The following RHBDD3 variants were observed in gnomAD, a reference collection of about 807,000 sequenced individuals.
RHBDD3 encodes the protein rhomboid domain containing 3, also known as rhomboid domain-containing protein 3.
In RHBDD3, 34 loss-of-function variants were observed where a neutral mutation model predicts 32.3. The observed-to-expected ratio is 1.05, with a 90% CI of 0.80 to 1.40. The LOEUF (loss-of-function observed/expected upper bound fraction) is 1.40, where lower values mean the gene tolerates loss of function less well. RHBDD3 is among the 40% of genes most tolerant of loss of function. RHBDD3 has a pLI of 0.00. For synonymous variants in RHBDD3, 249 were observed against 239.1 expected (o/e 1.04, Z -0.38); for missense variants, 482 against 492.6 (o/e 0.98, Z 0.20).
rs756947327 is a variant in RHBDD3, at chr22:29,260,458, G to C, written c.851C>G (p.Pro284Arg). The change falls in exon 6 of 7, where the codon CCA (proline) becomes CGA (arginine). Residue 284 changes from proline to arginine, a missense_variant. Coordinates refer to ENST00000216085, the MANE Select transcript of RHBDD3 (RefSeq NM_012265.3). ...GLDWAGASFS[P>R]GTPMWAALDE... ...CAAGGCCGCCCACATCGGAGTCCCT[G>C]GGGAGAAGCTGGCCCCAGCCCAGTC... 4 of 1,610,150 alleles carry C rather than the reference G, an allele frequency of 2.5e-6. No individual in the cohort carries two copies. In the African/African-American group the frequency reaches 5.3e-5, roughly 22 times the overall value.
chr22:29,260,829 C>CT lies in RHBDD3; in HGVS notation c.567dup (p.Glu190ArgfsTer30). 6.2e-7 allele frequency: 1 copy of CT among 1,603,612 alleles called. No individual in the cohort carries two copies. ...TCCTGCAGCACCTGCAGCCGTCGCT[C>CT]TGAGGGTTCCAGCCACCGGAAGGCC... is the stretch of plus-strand genomic sequence containing the variant. On this transcript the variant is annotated frameshift_variant, in exon 5 of 7. Transcript: ENST00000216085. LOFTEE classifies it high-confidence loss of function.
In RHBDD3 at chr22:29,260,219, G is replaced by A. The variant is rs1268092918; in HGVS notation, c.1002C>T (p.Arg334=). 1 of 1,599,928 alleles carries A rather than the reference G, an allele frequency of 6.3e-7. No homozygotes were observed. Among genetic ancestry groups the A allele is most frequent in the Admixed American group, 1.7e-5 (1 of 57,476 alleles). The stretch of plus-strand genomic sequence containing the variant: ...CCGCCTGCTCCGTAGGGAAGCCCAT[G>A]CGCTCCAGCTGCTGCAGCCTGTTGG... ...VSSLRLQQLE[R]MGFPTEQAVV... is the part of the protein sequence containing the mutation. The change falls in exon 7 of 7, where the codon CGC becomes CGT. Residue 334 remains arginine (R), a synonymous_variant. Transcript: ENST00000216085.
chr22:29,260,672 C>A, intron 5 of RHBDD3, 30 bp downstream of exon 5: 1 of 1,553,002 alleles, frequency 6.4e-7, no homozygotes, highest in Non-Finnish European at 8.7e-7. Flanking sequence ...TGCCCACCAC[C>A]TGGACTGGCA....
At chr22:29,265,456 A>G in intron 3 of RHBDD3, 23 bp downstream of exon 3, 2 of 1,494,118 alleles carry the variant, frequency 1.3e-6, no homozygotes, top group Non-Finnish European at 1.8e-6. Flanking sequence ...GCTTCCTCCA[A>G]GGTCCACGTG....
chr22:29,259,892 T>C lies in RHBDD3; in HGVS notation c.*168A>G. On this transcript the variant is annotated 3_prime_UTR_variant, in exon 7 of 7. Coordinates refer to ENST00000216085, the MANE Select transcript of RHBDD3 (RefSeq NM_012265.3). ...CCAGGTTGAAAAACAAACTGGTTTTTATTCTAAACACGTACTAGGGCAGCA... is the reference window on the plus strand; with the variant it reads ...CCAGGTTGAAAAACAAACTGGTTTTCATTCTAAACACGTACTAGGGCAGCA... 1 of 659,116 alleles carries C rather than the reference T, an allele frequency of 1.5e-6. No homozygotes were observed. The highest frequency in any genetic ancestry group is 2.5e-6 in the Non-Finnish European group (1 of 396,206). The allele number at this position is 659,116 out of a possible 1,614,324, so 40.8% of individuals were successfully genotyped here.
intron 2 of RHBDD3, among the ~76,000 whole-genome samples, chr22:29,267,017 G>T (rs1056464557): frequency 6.6e-6 from 1 of 152,206 alleles, no homozygotes; most frequent in Admixed American, 6.5e-5. Context: ...GGTGGTCTGA[G>T]CTCATGGCTC....
In RHBDD3 at chr22:29,260,817, G is replaced by A; in HGVS notation, c.580C>T (p.Gln194Ter). 1 of 1,606,468 alleles carries A rather than the reference G, an allele frequency of 6.2e-7. No individual in the cohort carries two copies. ...CACAAGACGCCCTCCTGCAGCACCT[G>A]CAGCCGTCGCTCTGAGGGTTCCAGC... ...RWLEPSERRL[Q>*]VLQEGVLCRT... The change falls in exon 5 of 7, where the codon CAG (glutamine) becomes TAG (stop). Residue 194 changes from glutamine (Q) to a stop codon, truncating the protein, a stop_gained. Transcript: ENST00000216085. LOFTEE classifies it high-confidence loss of function.
intron 4 of RHBDD3, chr22:29,261,721 C>G (rs1235789076): frequency 5.5e-6 from 1 of 182,688 alleles, no homozygotes; most frequent in Non-Finnish European, 1.2e-5. Flanking sequence ...GTGGTGAAAT[C>G]TCGGCTCACT....
intron 4 of RHBDD3, chr22:29,261,163 A>G: frequency 1.7e-6 from 1 of 573,746 alleles, no homozygotes; most frequent in South Asian, 1.8e-5. Context: ...CTGTAACTCA[A>G]GACCCACCCG....
At position 29,260,359 on chromosome 22, in the gene RHBDD3, G is replaced by A. The variant is rs1228113295; in HGVS notation, c.950C>T (p.Pro317Leu). The A allele has an allele frequency of 1.2e-6, 2 of 1,611,642 alleles. No homozygotes were observed. Among genetic ancestry groups the A allele is most frequent in the Non-Finnish European group, 1.7e-6 (2 of 1,179,244 alleles). The change falls in exon 6 of 7, where the codon CCA becomes CTA. Residue 317 changes from proline to leucine, a missense_variant. Pro to Leu is a moderately conservative substitution (Grantham distance 98). Transcript: ENST00000216085. ...GGAGACAGAGGACTTGGACAGCCATGGTGCGCTCTGGGGTTCCTGGGCTGG... is the reference window on the plus strand; with the variant it reads ...GGAGACAGAGGACTTGGACAGCCATAGTGCGCTCTGGGGTTCCTGGGCTGG... ...DGPAQEPQSA[P>L]WLSKSSVSSL...
At position 29,260,511 on chromosome 22, in the gene RHBDD3, G is replaced by C; in HGVS notation, c.798C>G (p.Thr266=). 2 of 1,599,210 alleles carry C rather than the reference G, an allele frequency of 1.3e-6. No individual in the cohort carries two copies. The highest frequency in any genetic ancestry group is 1.7e-6 in the Non-Finnish European group (2 of 1,175,116). ...GGCCTGCCTCTGAGGAGCCCTCCCA[G>C]GTGGGCTGCACAGGCCTCAGGCTTG... ...PPPSLRPVQP[T]WEGSSEAGLD... is the part of the protein sequence containing the mutation. Residue 266 remains threonine, a synonymous_variant, in exon 6 of 7, where the codon ACC becomes ACG. Transcript: ENST00000216085.
Position 29,267,534 on chromosome 22 carries a change from A to AGC in RHBDD3, c.-152_-151insGC, listed in dbSNP as rs1294707329. 1 of 152,914 alleles carries AGC rather than the reference A, an allele frequency of 6.5e-6. No homozygotes were observed. Among genetic ancestry groups the AGC allele is most frequent in the East Asian group, 1.9e-4 (1 of 5,182 alleles). 9.5% of individuals were successfully genotyped at this position (152,914 alleles called of 1,614,324 possible). A position where few individuals can be genotyped will look rare whatever the true frequency, so the allele number is the denominator to read the frequency against. ...CTGTCTGGTTCGAACTCAGCTGGTGACTTTGCAGAGATACTCAATTTCCTT... is the reference window on the plus strand; with the variant it reads ...CTGTCTGGTTCGAACTCAGCTGGTGAGCCTTTGCAGAGATACTCAATTTCCTT... On this transcript the variant is annotated 5_prime_UTR_variant, in exon 2 of 7. Transcript: ENST00000216085.
In RHBDD3 at chr22:29,260,198, C is replaced by CT; in HGVS notation, c.1022dup (p.Ala342GlyfsTer26). 1 of 1,596,138 alleles carries CT rather than the reference C, an allele frequency of 6.3e-7. No individual in the cohort carries two copies. Among genetic ancestry groups the CT allele is most frequent in the African/African-American group, 1.3e-5 (1 of 74,842 alleles). On this transcript the variant is annotated frameshift_variant, in exon 7 of 7. Coordinates refer to ENST00000216085, the MANE Select transcript of RHBDD3 (RefSeq NM_012265.3). LOFTEE classifies it high-confidence loss of function. ...CTGTGGCTGCCAGTGCCACCACCGCCTGCTCCGTAGGGAAGCCCATGCGCT... is the reference window on the plus strand; with the variant it reads ...CTGTGGCTGCCAGTGCCACCACCGCCTTGCTCCGTAGGGAAGCCCATGCGCT...
chr22:29,265,368 G>A, intron 3 of RHBDD3, 111 bp downstream of exon 3: 1 of 850,250 alleles, frequency 1.2e-6, no homozygotes, highest in Non-Finnish European at 1.7e-6. Flanking sequence ...CCGGGACACT[G>A]GGCCCCATCC....
In RHBDD3 at chr22:29,259,996, C is replaced by T; in HGVS notation, c.*64G>A. ...TCTTTAGACAGAGTAGGAGCTCGGG[C>T]TACCCACATGCAGCCCAGCCCTTAG... On this transcript the variant is annotated 3_prime_UTR_variant, in exon 7 of 7. Coordinates refer to ENST00000216085, the MANE Select transcript of RHBDD3 (RefSeq NM_012265.3). 6.7e-7 allele frequency: 1 copy of T among 1,500,692 alleles called. No individual in the cohort carries two copies. The allele number at this position is 1,500,692 out of a possible 1,614,324, so 93.0% of individuals were successfully genotyped here. A position where few individuals can be genotyped will look rare whatever the true frequency, so the allele number is the denominator to read the frequency against.
rs998544232 is a variant in RHBDD3 at position 29,267,935 on chromosome 22, G to C, written c.-382C>G. The C allele has an allele frequency of 2.7e-5, 8 of 299,976 alleles. No homozygotes were observed. The highest frequency in any genetic ancestry group is 1.7e-4 in the African/African-American group (8 of 48,174). 18.6% of individuals were successfully genotyped at this position (299,976 alleles called of 1,614,324 possible). A position where few individuals can be genotyped will look rare whatever the true frequency, so the allele number is the denominator to read the frequency against. On this transcript the variant is annotated 5_prime_UTR_variant, in exon 1 of 7. Transcript: ENST00000216085. Reference sequence around the variant, plus strand: ...CGCGGATTAGTCAGCAGTTGTTCTAGTCCGGGTCCCTTCCCCCAGCCCTCC... The same window carrying C: ...CGCGGATTAGTCAGCAGTTGTTCTACTCCGGGTCCCTTCCCCCAGCCCTCC...
Position 29,263,949 on chromosome 22 carries a change from G to A in RHBDD3, c.418C>T (p.Arg140Cys), listed in dbSNP as rs140704715. The A allele has an allele frequency of 4.3e-5, 66 of 1,550,364 alleles. No individual in the cohort carries two copies. The African/African-American group carries it at 4.4e-4, about 10-fold the overall frequency. ...GACAGCCACGGTGGCAGTGCCCCACGGGGCCGTCTAGGGCGGTGTCCCTCC... is the reference window on the plus strand; with the variant it reads ...GACAGCCACGGTGGCAGTGCCCCACAGGGCCGTCTAGGGCGGTGTCCCTCC... ...AGEGHRPRRP[R>C]GALPPWLSPW... Residue 140 changes from arginine (R) to cysteine (C), a missense_variant, in exon 4 of 7, where the codon CGT (arginine) becomes TGT (cysteine). By Grantham distance (180) the Arg-to-Cys change is radical. Transcript: ENST00000216085.
intron 4 of RHBDD3, among the ~76,000 whole-genome samples, chr22:29,262,467 A>C (rs2058131081): frequency 6.6e-6 from 1 of 152,166 alleles, no homozygotes; most frequent in South Asian, 2.1e-4. Context: ...TTTGAAATTG[A>C]AAAGTGTAAG....
chr22:29,264,035 C>G lies in RHBDD3; in HGVS notation c.332G>C (p.Gly111Ala). ...ACAGCTGCCGGCTGCACTGGACAGC[C>G]CAAGGCCTGCCAGCAGCACTGCCAG... The part of the protein sequence containing the change: ...GLLAVLLAGL[G>A]LSSAAGSCGY... Residue 111 changes from glycine (G) to alanine (A), a missense_variant, in exon 4 of 7, where the codon GGG becomes GCG. Gly to Ala is a moderately conservative substitution (Grantham distance 60). Coordinates refer to ENST00000216085, the MANE Select transcript of RHBDD3 (RefSeq NM_012265.3). The G allele has an allele frequency of 6.4e-7, 1 of 1,562,996 alleles. No homozygotes were observed. Among genetic ancestry groups the G allele is most frequent in the South Asian group, 1.2e-5 (1 of 84,844 alleles).
Sources: gnomAD v4.1 joint callset for allele counts (sites outside exome capture counted in the v4.1 genomes callset) on GRCh38, gnomAD v4.1.1 for gene constraint, MANE v1.5 for transcripts, NCBI Gene and HGNC (gene_info 2026-07-23, HGNC 2026-07-21) for gene names.